PPP1R16B: variants seen among roughly 807,000 people sequenced by gnomAD.
PPP1R16B encodes protein phosphatase 1 regulatory subunit 16B, also known as protein phosphatase 1 regulatory inhibitor subunit 16B.
A neutral mutation model predicts 61.7 loss-of-function variants in PPP1R16B; 14 were observed. The ratio of observed to expected loss-of-function variants is 0.23; its 90% CI spans 0.15 to 0.35. The LOEUF (loss-of-function observed/expected upper bound fraction) is 0.35, where lower values mean the gene tolerates loss of function less well. Among genes scored for constraint, PPP1R16B ranks in the 10% least tolerant of loss-of-function variants. The pLI is 1.00. For missense variants in PPP1R16B, 547 were observed against 752.5 expected, an observed-to-expected ratio of 0.73 and a Z score of 3.19; for synonymous variants, 266 against 305.3, an observed-to-expected ratio of 0.87 and a Z score of 1.34.
At chr20:38,848,094 G>T (rs1354913175) in intron 2 of PPP1R16B, among the ~76,000 whole-genome samples, 1 of 152,128 alleles carries the variant, frequency 6.6e-6, no homozygotes, top group Admixed American at 6.5e-5. Context: ...CATTACAATG[G>T]CAGAGTTGAG....
At chr20:38,846,873 C>T (rs6028161) in intron 2 of PPP1R16B, among the ~76,000 whole-genome samples, 98,810 of 151,874 alleles carry the variant, frequency 0.65, 32,427 homozygotes, top group African/African-American at 0.72. Context: ...GGTGTGGTGA[C>T]GTGTACCTGT....
At chr20:38,819,715 C>T (rs144663300) in intron 1 of PPP1R16B, among the ~76,000 whole-genome samples, 11 of 152,062 alleles carry the variant, frequency 7.2e-5, no homozygotes, top group African/African-American at 1.9e-4. Flanking sequence ...CTTTTAAAAA[C>T]GTCAATTTCT....
chr20:38,817,086 G>A (rs1371780709), intron 1 of PPP1R16B, among the ~76,000 whole-genome samples: 2 of 152,186 alleles, frequency 1.3e-5, no homozygotes, highest in African/African-American at 4.8e-5. Context: ...GGGATGTAAA[G>A]GTGAACAATA....
At chr20:38,823,354 A>T (rs2084784410) in intron 1 of PPP1R16B, among the ~76,000 whole-genome samples, 1 of 152,182 alleles carries the variant, frequency 6.6e-6, no homozygotes, top group South Asian at 2.1e-4. Context: ...GAAAGTGCTC[A>T]CTGAGGCCAG....
chr20:38,859,289 G>A (rs1266934360), intron 2 of PPP1R16B, among the ~76,000 whole-genome samples: 1 of 150,160 alleles, frequency 6.7e-6, no homozygotes, highest in African/African-American at 2.5e-5. Flanking sequence ...GCTAGTGCGG[G>A]TTCCTTTTTT....
intron 2 of PPP1R16B, among the ~76,000 whole-genome samples, chr20:38,851,302 T>G (rs2084967614): frequency 6.6e-6 from 1 of 151,732 alleles, no homozygotes. Flanking sequence ...TAGTCTCTAC[T>G]AAAAATACAA....
At chr20:38,861,435 T>C (rs2085049869) in intron 2 of PPP1R16B, among the ~76,000 whole-genome samples, 1 of 152,212 alleles carries the variant, frequency 6.6e-6, no homozygotes, top group Non-Finnish European at 1.5e-5. Flanking sequence ...CCAAGACTCC[T>C]GTGTCCCTCC....
At chr20:38,904,050 G>A (rs538047359) in intron 6 of PPP1R16B, among the ~76,000 whole-genome samples, 142 of 152,228 alleles carry the variant, frequency 9.3e-4, no homozygotes, top group African/African-American at 3.3e-3. Context: ...GGCAGCCCAG[G>A]TGTGATAAGT....
chr20:38,917,788 C>G (rs191534274), intron 10 of PPP1R16B, among the ~76,000 whole-genome samples: 117 of 152,302 alleles, frequency 7.7e-4, no homozygotes, highest in Non-Finnish European at 1.3e-3. Context: ...CCTCAGCTTA[C>G]GTCATTCTTA....
In PPP1R16B at chr20:38,907,728, G is replaced by A; in HGVS notation, c.899-78G>A. On this transcript the variant is annotated intron_variant, in intron 8 of 10. Transcript: ENST00000299824. This position sits in a 1 kb window ranked among gnomAD's most constrained non-coding sequence, Gnocchi z 4.5. Reference sequence around the variant, plus strand: ...GAGTTTTCAGTGGGTTGGGGTGGCAGCTCCTCTGGTCTGGAGCACCCTCTT... The same window carrying A: ...GAGTTTTCAGTGGGTTGGGGTGGCAACTCCTCTGGTCTGGAGCACCCTCTT... 2 of 1,534,264 alleles carry A rather than the reference G, an allele frequency of 1.3e-6. No individual in the cohort carries two copies. The highest frequency in any genetic ancestry group is 1.8e-6 in the Non-Finnish European group (2 of 1,122,286).
intron 1 of PPP1R16B, among the ~76,000 whole-genome samples, chr20:38,834,545 A>G (rs985078553): frequency 6.6e-6 from 1 of 152,156 alleles, no homozygotes; most frequent in African/African-American, 2.4e-5. Context: ...TTTAAAGGTC[A>G]TCCAAAGAGA....
chr20:38,910,539 G>GTT (rs1364801029), intron 10 of PPP1R16B, among the ~76,000 whole-genome samples: 46 of 106,998 alleles, frequency 4.3e-4, no homozygotes, highest in African/African-American at 1.5e-3. Flanking sequence ...GTTTTTTTTT[G>GTT]TTTTTTTTTT....
At chr20:38,850,013 G>C (rs1251230768) in intron 2 of PPP1R16B, among the ~76,000 whole-genome samples, 2 of 152,202 alleles carry the variant, frequency 1.3e-5, no homozygotes, top group African/African-American at 4.8e-5. Context: ...TGTTCACGTA[G>C]TGGAGAGTTC....
chr20:38,918,290 A>T lies in PPP1R16B; in HGVS notation c.1328A>T (p.Asp443Val). ...SAYQYALANG[D>V]VWKVHEVPDY... ...TACCAGTATGCGCTGGCCAACGGGG[A>T]TGTCTGGAAGGTGCATGAGGTGCCT... Residue 443 changes from aspartate to valine, a missense_variant, in exon 11 of 11, where the codon GAT (aspartate) becomes GTT (valine). By Grantham distance (152) the Asp-to-Val change is radical. Transcript: ENST00000299824. This position sits in a 1 kb window ranked among gnomAD's most constrained non-coding sequence, Gnocchi z 5.3. The T allele has an allele frequency of 1.2e-6, 2 of 1,614,156 alleles. No individual in the cohort carries two copies. The highest frequency in any genetic ancestry group is 1.7e-6 in the Non-Finnish European group (2 of 1,180,032).
intron 4 of PPP1R16B, 42 bp downstream of exon 4, chr20:38,895,752 C>G (rs754441977): frequency 1.1e-5 from 17 of 1,563,918 alleles, no homozygotes; most frequent in East Asian, 2.4e-5. Context: ...CCCTCCACCT[C>G]TTGTCTTTTT....
chr20:38,918,514 G>A lies in PPP1R16B; in HGVS notation c.1552G>A (p.Ala518Thr), dbSNP rs769578356. Residue 518 changes from alanine to threonine, a missense_variant, in exon 11 of 11, where the codon GCC (alanine) becomes ACC (threonine). Ala to Thr is a moderately conservative substitution (Grantham distance 58). Transcript: ENST00000299824. This position sits in a 1 kb window ranked among gnomAD's most constrained non-coding sequence, Gnocchi z 5.3. ...GGGCGAGAGTAGCAGTGAAGGCAAG[G>A]CCCCCTTGATCGGAGGCAGAACTTC... ...RTGESSSEGKAPLIGGRTSPY... is the reference protein window; with the variant it reads ...RTGESSSEGKTPLIGGRTSPY... 8 of 1,600,618 alleles carry A rather than the reference G, an allele frequency of 5.0e-6. No individual in the cohort carries two copies. Among genetic ancestry groups the A allele is most frequent in the Non-Finnish European group, 6.8e-6 (8 of 1,171,246 alleles).
At chr20:38,916,870 T>C (rs1249053363) in intron 10 of PPP1R16B, among the ~76,000 whole-genome samples, 1 of 151,866 alleles carries the variant, frequency 6.6e-6, no homozygotes, top group Non-Finnish European at 1.5e-5. Context: ...TATTTTGTTG[T>C]TTTAATTTTT....
chr20:38,876,852 T>C (rs2085171367), intron 2 of PPP1R16B, among the ~76,000 whole-genome samples: 1 of 152,224 alleles, frequency 6.6e-6, no homozygotes, highest in South Asian at 2.1e-4. Context: ...AGGTAGTACA[T>C]ATGGATTTTA....
Position 38,919,658 on chromosome 20 carries a change from A to G in PPP1R16B, c.*992A>G, listed in dbSNP as rs1467260519. On this transcript the variant is annotated 3_prime_UTR_variant, in exon 11 of 11. Coordinates refer to ENST00000299824, the MANE Select transcript of PPP1R16B (RefSeq NM_015568.4). ...AAATGAAGCTAAGTGAGGAGCTTCC[A>G]TTGGAATGCTTTTCCAGGGAGAGAG... 1.3e-5 allele frequency: 2 copies of G among 152,124 alleles called. No individual in the cohort carries two copies. Among genetic ancestry groups the G allele is most frequent in the Non-Finnish European group, 2.9e-5 (2 of 68,028 alleles). The allele number at this position is 152,124 out of a possible 1,614,324, so 9.4% of individuals were successfully genotyped here. A position where few individuals can be genotyped will look rare whatever the true frequency, so the allele number is the denominator to read the frequency against.
Sources: allele counts gnomAD v4.1 joint callset (sites outside exome capture counted in the v4.1 genomes callset), GRCh38; gene constraint gnomAD v4.1.1; non-coding constraint Gnocchi (gnomAD v3.1); transcripts MANE v1.5; gene names NCBI Gene and HGNC (gene_info 2026-07-23, HGNC 2026-07-21).